The following NTM variants were observed in gnomAD, a reference collection of about 807,000 sequenced individuals.
The protein encoded by NTM is IgLON family member 2.
NTM carries 13 observed loss-of-function variants against 42.1 expected under a neutral mutation model. The observed-to-expected ratio is 0.31, with a 90% CI of 0.20 to 0.49. NTM has a LOEUF of 0.49. Ranked by LOEUF, NTM falls within the 20% of genes least tolerant of loss-of-function variation. NTM has a pLI of 0.99. For synonymous variants in NTM, 187 were observed against 179.2 expected (o/e 1.04, Z -0.35); for missense variants, 373 against 452.8 (o/e 0.82, Z 1.60).
intron 1 of NTM, among the ~76,000 whole-genome samples, chr11:131,393,528 A>G (rs1459712145): frequency 6.6e-6 from 1 of 152,198 alleles, no homozygotes; most frequent in African/African-American, 2.4e-5. Context: ...GCAGGGCAGC[A>G]GCAACCGCCC....
At chr11:131,380,118 C>T (rs1942465828) in intron 1 of NTM, among the ~76,000 whole-genome samples, 1 of 152,022 alleles carries the variant, frequency 6.6e-6, no homozygotes, top group East Asian at 1.9e-4. Context: ...GTTCCTTTGG[C>T]TTATGCTCAG....
At chr11:132,098,381 C>T (rs557175386) in intron 2 of NTM, among the ~76,000 whole-genome samples, 2 of 152,248 alleles carry the variant, frequency 1.3e-5, no homozygotes, top group African/African-American at 4.8e-5. Context: ...GTGTGAAGAG[C>T]CTTTGGCGTT....
At position 131,389,024 on chromosome 11, in the gene NTM, A is replaced by AAAAGAAAAG. The variant is rs1555097642; in HGVS notation, c.82+18139_82+18140insGAAAAGAAA. ...CAAGACTTCATCACAAAAAAAAAAA[A>AAAAGAAAAG]AAAAGAAAAGAAAAGAAAAGAAAAG... is the stretch of plus-strand genomic sequence containing the variant. On this transcript the variant is annotated intron_variant, in intron 1 of 8. Transcript: ENST00000683400. 8.2e-3 allele frequency among the ~76,000 whole-genome samples: 733 copies of AAAAGAAAAG among 89,922 alleles called. 9 individuals are homozygous for AAAAGAAAAG. Among genetic ancestry groups the AAAAGAAAAG allele is most frequent in the African/African-American group, 0.021 (462 of 21,648 alleles). The allele number at this position is 89,922 out of a possible 152,430, so 59.0% of individuals were successfully genotyped here.
chr11:131,696,531 T>A (rs1183147177), intron 1 of NTM, among the ~76,000 whole-genome samples: 4 of 152,150 alleles, frequency 2.6e-5, no homozygotes, highest in African/African-American at 9.7e-5. Context: ...AGAGAGTCAT[T>A]CTTTCTCTAT....
chr11:131,682,570 C>T (rs568921881), intron 1 of NTM, among the ~76,000 whole-genome samples: 5 of 152,324 alleles, frequency 3.3e-5, no homozygotes, highest in Admixed American at 2.6e-4. Flanking sequence ...GACCAGGGAG[C>T]CTGCCGGCCT....
At position 131,533,298 on chromosome 11, in the gene NTM, C is replaced by T. The variant is rs570092702; in HGVS notation, c.82+162410C>T. Among the ~76,000 whole-genome samples, 7 of 152,290 alleles carry T rather than the reference C, an allele frequency of 4.6e-5. No homozygotes were observed. In the East Asian group the frequency reaches 5.8e-4, roughly 13 times the overall value. ...AGAAACACATTATCCTTGTCTGATT[C>T]GCTCACACCCACATGTTCCTAGTAA... On this transcript the variant is annotated intron_variant, in intron 1 of 8. Transcript: ENST00000683400.
chr11:131,644,120 G>A (rs970999444), intron 1 of NTM, among the ~76,000 whole-genome samples: 5 of 152,078 alleles, frequency 3.3e-5, no homozygotes, highest in African/African-American at 9.7e-5. Context: ...GGTTGCATGC[G>A]ACCTCCCCAA....
chr11:131,900,341 C>T (rs879481491), intron 1 of NTM, among the ~76,000 whole-genome samples: 6 of 152,230 alleles, frequency 3.9e-5, no homozygotes, highest in Non-Finnish European at 5.9e-5. Flanking sequence ...ACAGATGCCA[C>T]GTCCTGAGGG....
At chr11:131,806,354 T>C (rs1394103879) in intron 1 of NTM, among the ~76,000 whole-genome samples, 1 of 152,156 alleles carries the variant, frequency 6.6e-6, no homozygotes, top group Non-Finnish European at 1.5e-5. Context: ...TGAAAAAAGA[T>C]ATGTGGTTAA....
intron 1 of NTM, among the ~76,000 whole-genome samples, chr11:131,743,075 CTTTA>C: frequency 6.6e-6 from 1 of 152,248 alleles, no homozygotes; most frequent in African/African-American, 2.4e-5. Flanking sequence ...AGAAAATAAG[CTTTA>C]TTTATTTTTC....
intron 1 of NTM, among the ~76,000 whole-genome samples, chr11:131,882,000 A>G (rs977123283): frequency 1.3e-5 from 2 of 152,214 alleles, no homozygotes; most frequent in African/African-American, 4.8e-5. Context: ...ATTAATTGCG[A>G]TTTAGAAAAT....
chr11:131,835,904 T>TG (rs2043423619), intron 1 of NTM, among the ~76,000 whole-genome samples: 1 of 152,152 alleles, frequency 6.6e-6, no homozygotes, highest in Non-Finnish European at 1.5e-5. Flanking sequence ...CATACACATG[T>TG]CATAGAAGAG....
At chr11:131,568,236 C>T (rs1173495842) in intron 1 of NTM, among the ~76,000 whole-genome samples, 1 of 152,216 alleles carries the variant, frequency 6.6e-6, no homozygotes, top group Non-Finnish European at 1.5e-5. Flanking sequence ...ATCTCTAGGG[C>T]ATTGACCACA....
intron 2 of NTM, among the ~76,000 whole-genome samples, chr11:131,928,040 T>C (rs966993954): frequency 7.3e-5 from 11 of 151,212 alleles, no homozygotes; most frequent in Non-Finnish European, 1.5e-4. Context: ...GAGCCTTTGT[T>C]TTTTTTTTAA....
At chr11:131,566,573 G>A (rs528478795) in intron 1 of NTM, among the ~76,000 whole-genome samples, 49 of 152,222 alleles carry the variant, frequency 3.2e-4, no homozygotes, top group Admixed American at 9.2e-4. Context: ...TCTTTTCCCC[G>A]CCATTCTGTT....
At chr11:131,588,534 A>G (rs1043858169) in intron 1 of NTM, among the ~76,000 whole-genome samples, 7 of 152,230 alleles carry the variant, frequency 4.6e-5, no homozygotes, top group African/African-American at 1.7e-4. Context: ...TAGATGCTGG[A>G]TCTGGGTAGG....
chr11:131,861,324 C>G (rs1245667677), intron 1 of NTM, among the ~76,000 whole-genome samples: 1 of 152,140 alleles, frequency 6.6e-6, no homozygotes, highest in Non-Finnish European at 1.5e-5. Flanking sequence ...TTCAAGCAGC[C>G]TTTCTAAATT....
intron 4 of NTM, among the ~76,000 whole-genome samples, chr11:132,303,689 A>G (rs1403734482): frequency 6.8e-6 from 1 of 147,040 alleles, no homozygotes; most frequent in African/African-American, 2.5e-5. Flanking sequence ...GCTTAGATAG[A>G]TAGGGCACAG....
chr11:131,621,747 G>A (rs753921386), intron 1 of NTM, among the ~76,000 whole-genome samples: 1 of 151,352 alleles, frequency 6.6e-6, no homozygotes, highest in Non-Finnish European at 1.5e-5. Context: ...GCTTGAGTCT[G>A]GGAGGTTGAG....
Sources: gnomAD v4.1 joint callset for allele counts (sites outside exome capture counted in the v4.1 genomes callset) on GRCh38, gnomAD v4.1.1 for gene constraint, MANE v1.5 for transcripts, NCBI Gene and HGNC (gene_info 2026-07-23, HGNC 2026-07-21) for gene names.